ZNF804B: variants seen among roughly 807,000 people sequenced by gnomAD.
The protein encoded by ZNF804B is zinc finger protein 804B.
Under a neutral mutation model 101.4 loss-of-function variants are expected in ZNF804B, and 80 were observed. The observed-to-expected ratio is 0.79, with a 90% CI of 0.66 to 0.95. The LOEUF (loss-of-function observed/expected upper bound fraction) is 0.95, where lower values mean the gene tolerates loss of function less well. Among genes scored for constraint, ZNF804B ranks in the 40% least tolerant of loss-of-function variants. The pLI is 0.00. For missense variants in ZNF804B, 1,673 were observed against 1,561.9 expected, an observed-to-expected ratio of 1.07 and a Z score of -1.20; for synonymous variants, 622 against 558.8, an observed-to-expected ratio of 1.11 and a Z score of -1.59.
intron 1 of ZNF804B, among the ~76,000 whole-genome samples, chr7:89,037,030 C>G (rs1788939859): frequency 6.6e-6 from 1 of 152,062 alleles, no homozygotes; most frequent in African/African-American, 2.4e-5. Flanking sequence ...GCAGAATGAA[C>G]TTTAAATCTT....
chr7:89,269,341 G>T (rs1789847857), intron 2 of ZNF804B, among the ~76,000 whole-genome samples: 1 of 152,006 alleles, frequency 6.6e-6, no homozygotes, highest in Admixed American at 6.6e-5. Flanking sequence ...GTGATAGTTT[G>T]CTGAGAATGA....
intron 1 of ZNF804B, among the ~76,000 whole-genome samples, chr7:89,201,762 C>T (rs762747840): frequency 1.3e-5 from 2 of 151,894 alleles, no homozygotes; most frequent in South Asian, 2.1e-4. Context: ...TTTATTATTT[C>T]TCAGGAATAC....
chr7:89,025,723 G>A (rs1788740196), intron 1 of ZNF804B, among the ~76,000 whole-genome samples: 1 of 152,034 alleles, frequency 6.6e-6, no homozygotes, highest in Non-Finnish European at 1.5e-5. Context: ...CAGCTATTAT[G>A]TCTCATGTGT....
At chr7:88,993,437 A>G (rs1793876601) in intron 1 of ZNF804B, among the ~76,000 whole-genome samples, 1 of 152,022 alleles carries the variant, frequency 6.6e-6, no homozygotes, top group African/African-American at 2.4e-5. Flanking sequence ...TATGAGAAAT[A>G]AAAAAGTAAA....
intron 1 of ZNF804B, among the ~76,000 whole-genome samples, chr7:89,149,379 TCA>T (rs1318647602): frequency 6.6e-6 from 1 of 152,080 alleles, no homozygotes; most frequent in Non-Finnish European, 1.5e-5. Context: ...ATAAAGAAAC[TCA>T]CAAATCTGTC....
intron 1 of ZNF804B, among the ~76,000 whole-genome samples, chr7:89,038,875 T>C (rs1216058821): frequency 6.6e-6 from 1 of 152,140 alleles, no homozygotes; most frequent in Non-Finnish European, 1.5e-5. Flanking sequence ...CTTCTGGAAG[T>C]GGATATCCAG....
At chr7:89,106,205 G>A (rs1023394611) in intron 1 of ZNF804B, among the ~76,000 whole-genome samples, 1 of 152,124 alleles carries the variant, frequency 6.6e-6, no homozygotes, top group African/African-American at 2.4e-5. Flanking sequence ...CTTGTAAGAT[G>A]TATGAATTCA....
intron 1 of ZNF804B, among the ~76,000 whole-genome samples, chr7:88,843,248 T>C (rs1401955829): frequency 6.6e-6 from 1 of 152,164 alleles, no homozygotes; most frequent in Non-Finnish European, 1.5e-5. Context: ...ACTTATTAGC[T>C]CATTTATTCC....
chr7:89,334,100 A>G lies in ZNF804B; in HGVS notation c.1118A>G (p.Tyr373Cys). 6.2e-7 allele frequency: 1 copy of G among 1,613,756 alleles called. No individual in the cohort carries two copies. The highest frequency in any genetic ancestry group is 8.5e-7 in the Non-Finnish European group (1 of 1,179,838). ...GCTTCCTTCAGCCCACCAAACATTT[A>G]CAACCATAGTGATGCCAGGATATCT... is the stretch of plus-strand genomic sequence containing the variant. The part of the protein sequence containing the change: ...ANASFSPPNI[Y>C]NHSDARISEC... The change falls in exon 4 of 4, where the codon TAC (tyrosine) becomes TGC (cysteine). Residue 373 changes from tyrosine (Y) to cysteine (C), a missense_variant. Tyr to Cys is a radical substitution (Grantham distance 194, BLOSUM62 -2). Transcript: ENST00000333190.
chr7:89,096,153 T>TA (rs10717569), intron 1 of ZNF804B, among the ~76,000 whole-genome samples: 22 of 136,718 alleles, frequency 1.6e-4, no homozygotes, highest in Admixed American at 3.7e-4. Context: ...AGACTCCATT[T>TA]AAAAAAAAAA....
chr7:88,875,162 G>GTGTA lies in ZNF804B; in HGVS notation c.108+115079_108+115082dup, dbSNP rs1182597279. Among the ~76,000 whole-genome samples the GTGTA allele has an allele frequency of 8.4e-5, 12 of 143,238 alleles. No homozygotes were observed. The Admixed American group carries it at 8.5e-4, about 10-fold the overall frequency. The allele number at this position is 143,238 out of a possible 152,430, so 94.0% of individuals were successfully genotyped here. ...ATCTCTGGGACACATTCAAAGCAGT[G>GTGTA]TGTAGAGGGAAATTTATAGCACTAA... On this transcript the variant is annotated intron_variant, in intron 1 of 3. Coordinates refer to ENST00000333190, the MANE Select transcript of ZNF804B (RefSeq NM_181646.5).
At chr7:89,266,867 G>A (rs918510097) in intron 2 of ZNF804B, among the ~76,000 whole-genome samples, 2 of 150,332 alleles carry the variant, frequency 1.3e-5, no homozygotes, top group Non-Finnish European at 3.0e-5. Flanking sequence ...TAATGTTTGT[G>A]TGTCTGTGTT....
At chr7:89,095,020 C>G (rs1240445289) in intron 1 of ZNF804B, among the ~76,000 whole-genome samples, 1 of 152,088 alleles carries the variant, frequency 6.6e-6, no homozygotes, top group Non-Finnish European at 1.5e-5. Context: ...ATGTGCTCTT[C>G]TTGTGATACA....
intron 1 of ZNF804B, among the ~76,000 whole-genome samples, chr7:89,035,215 A>G (rs1194304565): frequency 6.6e-6 from 1 of 152,162 alleles, no homozygotes; most frequent in Admixed American, 6.6e-5. Flanking sequence ...AAGAAAGAAC[A>G]AACATGGTTA....
intron 2 of ZNF804B, among the ~76,000 whole-genome samples, chr7:89,245,214 A>C (rs1302480843): frequency 6.6e-6 from 1 of 151,256 alleles, no homozygotes; most frequent in Non-Finnish European, 1.5e-5. Context: ...AAATACAAGC[A>C]AGTAAATAAA....
intron 2 of ZNF804B, among the ~76,000 whole-genome samples, chr7:89,316,961 T>C (rs1790742387): frequency 6.6e-6 from 1 of 152,166 alleles, no homozygotes; most frequent in Non-Finnish European, 1.5e-5. Context: ...CTTTTGTCAC[T>C]TAAAGAGGGG....
In ZNF804B at chr7:89,061,034, C is replaced by G. The variant is rs774785567; in HGVS notation, c.109-157121C>G. ...AAGCTGGGTGCACACAATTACCAAC[C>G]GTAGTAATATGTATTTATACATTTC... On this transcript the variant is annotated intron_variant, in intron 1 of 3. Coordinates refer to ENST00000333190, the MANE Select transcript of ZNF804B (RefSeq NM_181646.5). Among the ~76,000 whole-genome samples the G allele has an allele frequency of 2.0e-5, 3 of 152,014 alleles. No individual in the cohort carries two copies. The East Asian group carries it at 5.8e-4, about 29-fold the overall frequency.
intron 1 of ZNF804B, among the ~76,000 whole-genome samples, chr7:89,202,462 TG>T (rs1206131143): frequency 6.6e-6 from 1 of 152,132 alleles, no homozygotes; most frequent in Non-Finnish European, 1.5e-5. Context: ...CTCTAGGAGA[TG>T]GCTTGAAACA....
chr7:88,767,099 A>G (rs1194301423), intron 1 of ZNF804B, among the ~76,000 whole-genome samples: 1 of 152,150 alleles, frequency 6.6e-6, no homozygotes, highest in Non-Finnish European at 1.5e-5. Flanking sequence ...GTTTTTCAGC[A>G]TCTTTTTTTG....
Sources: gnomAD v4.1 joint callset for allele counts (sites outside exome capture counted in the v4.1 genomes callset) on GRCh38, gnomAD v4.1.1 for gene constraint, MANE v1.5 for transcripts, NCBI Gene and HGNC (gene_info 2026-07-23, HGNC 2026-07-21) for gene names.